The following NEB variants were observed in gnomAD, a reference collection of about 807,000 sequenced individuals.
The protein encoded by NEB is nemaline myopathy type 2.
Under a neutral mutation model 952.2 loss-of-function variants are expected in NEB, and 512 were observed. The observed-to-expected ratio is 0.54, with a 90% confidence interval of 0.50 to 0.58. NEB has a LOEUF of 0.58. Ranked by LOEUF, NEB falls within the 20% of genes least tolerant of loss-of-function variation. NEB has a pLI of 0.00. For missense variants in NEB, 8,428 were observed against 9,231.1 expected, an observed-to-expected ratio of 0.91 and a Z score of 3.56; for synonymous variants, 2,900 against 3,149.8, an observed-to-expected ratio of 0.92 and a Z score of 2.66.
At position 151,685,103 on chromosome 2, in the gene NEB, A is replaced by G. The variant is rs2099484734; in HGVS notation, c.2638-128T>C. The G allele has an allele frequency of 6.1e-6, 6 of 983,952 alleles. No homozygotes were observed. The Admixed American group carries it at 1.2e-4, about 20-fold the overall frequency. The allele number at this position is 983,952 out of a possible 1,614,324, so 61.0% of individuals were successfully genotyped here. A position where few individuals can be genotyped will look rare whatever the true frequency, so the allele number is the denominator to read the frequency against. On this transcript the variant is annotated intron_variant, in intron 27 of 181. Coordinates refer to ENST00000397345, the MANE Select transcript of NEB (RefSeq NM_001164508.2). ...AAACATCTGAGTAGTTATTTTGCCC[A>G]AAAATGTGTTCATATGTTACATACC...
chr2:151,489,433 C>G (rs1352003571), intron 181 of NEB, among the ~76,000 whole-genome samples: 1 of 152,184 alleles, frequency 6.6e-6, no homozygotes, highest in African/African-American at 2.4e-5. Context: ...GGGTCTCCCT[C>G]TGTCATCCAG....
intron 152 of NEB, 39 bp from the exon 153 acceptor site, chr2:151,524,454 T>G (rs1276192903): frequency 6.2e-7 from 1 of 1,613,124 alleles, no homozygotes; most frequent in Non-Finnish European, 8.5e-7. Context: ...CAGGTGATGG[T>G]TGCCTGGCAT....
intron 176 of NEB, 120 bp downstream of exon 176, chr2:151,493,233 C>A (rs2057941463): frequency 2.6e-6 from 2 of 778,894 alleles, no homozygotes; most frequent in African/African-American, 1.8e-5. Flanking sequence ...CAAGATGTTG[C>A]ATTTTTCTCT....
rs761713055 is a variant in NEB at position 151,567,451 on chromosome 2, T to G, written c.17873A>C (p.Gln5958Pro). The change falls in exon 114 of 182, where the codon CAA (glutamine) becomes CCA (proline). Residue 5958 changes from glutamine (Q) to proline (P), a missense_variant. Gln to Pro is a moderately conservative substitution (Grantham distance 76, BLOSUM62 -1). Coordinates refer to ENST00000397345, the MANE Select transcript of NEB (RefSeq NM_001164508.2). ...ELKYKAEHVK[Q>P]KGHYVGVPTM... ...CGGGACACCAACATAATGACCTTTT[T>G]GCTTCACATGTTCAGCTTTGTATTT... The G allele has an allele frequency of 1.9e-6, 3 of 1,612,484 alleles. No individual in the cohort carries two copies. Among genetic ancestry groups the G allele is most frequent in the Non-Finnish European group, 2.5e-6 (3 of 1,179,112 alleles).
chr2:151,520,587 A>C (rs765199877), intron 153 of NEB, among the ~76,000 whole-genome samples: 2 of 152,212 alleles, frequency 1.3e-5, no homozygotes, highest in Non-Finnish European at 1.5e-5. Context: ...GATGATAGCC[A>C]GGTGTGGTGG....
At chr2:151,644,332 C>A in intron 56 of NEB, 136 bp downstream of exon 56, 1 of 1,056,328 alleles carries the variant, frequency 9.5e-7, no homozygotes, top group African/African-American at 1.6e-5. Context: ...TTATCCTCAT[C>A]CCACACTGCA....
In NEB at chr2:151,671,086, G is replaced by A. The variant is rs764603716; in HGVS notation, c.4443C>T (p.Phe1481=). 5.0e-6 allele frequency: 8 copies of A among 1,613,982 alleles called. 1 individual carries two copies. Among genetic ancestry groups the A allele is most frequent in the Non-Finnish European group, 6.8e-6 (8 of 1,179,874 alleles). The change falls in exon 38 of 182, where the codon TTC becomes TTT. Residue 1481 remains phenylalanine, a synonymous_variant. Transcript: ENST00000397345. ...TGCCCATGGAATCAGGCACACTTGTGAACTTGACGGTATCTGGGTGCTGTC... is the reference window on the plus strand; with the variant it reads ...TGCCCATGGAATCAGGCACACTTGTAAACTTGACGGTATCTGGGTGCTGTC... ...KYRQHPDTVK[F]TSVPDSMGMV...
chr2:151,645,094 G>A (rs532934712), intron 55 of NEB, among the ~76,000 whole-genome samples: 15 of 152,350 alleles, frequency 9.8e-5, no homozygotes, highest in African/African-American at 3.4e-4. Context: ...CCACCGTCCT[G>A]TATGTGTGCC....
At position 151,706,914 on chromosome 2, in the gene NEB, C is replaced by A; in HGVS notation, c.1119G>T (p.Arg373Ser). Reference protein sequence around the residue: ...VLPASENPQLRQLKAAGDALS... With the variant: ...VLPASENPQLSQLKAAGDALS... The stretch of plus-strand genomic sequence containing the variant: ...GGGCATCTCCTGCTGCCTTCAGCTG[C>A]CTAAGCTGTGGGTTCTCTGAAGCAG... Residue 373 changes from arginine to serine, a missense_variant, in exon 13 of 182, where the codon AGG (arginine) becomes AGT (serine). By Grantham distance (110) the Arg-to-Ser change is moderately radical. Around this residue, in one of 11 missense-constraint regions of NEB, gnomAD observed 2,851 missense variants for 2,791.5 expected, o/e 1.02. Transcript: ENST00000397345. 1 of 1,606,596 alleles carries A rather than the reference C, an allele frequency of 6.2e-7. No individual in the cohort carries two copies. The highest frequency in any genetic ancestry group is 8.5e-7 in the Non-Finnish European group (1 of 1,176,038).
In NEB at chr2:151,569,335, A is replaced by G. The variant is rs768866431; in HGVS notation, c.17468T>C (p.Ile5823Thr). The G allele has an allele frequency of 1.2e-6, 2 of 1,613,942 alleles. No homozygotes were observed. Among genetic ancestry groups the G allele is most frequent in the South Asian group, 1.1e-5 (1 of 91,078 alleles). Residue 5823 changes from isoleucine to threonine, a missense_variant, in exon 110 of 182, where the codon ATT becomes ACT. By Grantham distance (89) the Ile-to-Thr change is moderately conservative (BLOSUM62 -1). Coordinates refer to ENST00000397345, the MANE Select transcript of NEB (RefSeq NM_001164508.2). ...YKADLEWLRG[I>T]GWMPNDSVSV... is the part of the protein sequence containing the mutation. ...CACGGAGTCATTTGGCATCCACCCA[A>G]TTCCACGCAACCATTCCAAGTCAGC...
chr2:151,641,111 T>C (rs763728774), intron 60 of NEB, among the ~76,000 whole-genome samples: 1 of 152,184 alleles, frequency 6.6e-6, no homozygotes, highest in Non-Finnish European at 1.5e-5. Flanking sequence ...TCAATAAAAA[T>C]TATCTTTGCC....
chr2:151,710,382 G>C, intron 11 of NEB, 52 bp downstream of exon 11: 1 of 1,294,432 alleles, frequency 7.7e-7, no homozygotes, highest in Non-Finnish European at 1.1e-6. Context: ...AGTCACTAAG[G>C]AAAGGGGTCT....
intron 68 of NEB, 77 bp downstream of exon 68, chr2:151,629,462 C>T: frequency 8.1e-7 from 1 of 1,227,358 alleles, no homozygotes. Context: ...TAAACTGGCC[C>T]CCAAATGTTA....
In NEB at chr2:151,690,622, T is replaced by C. The variant is rs568150421; in HGVS notation, c.2310+105A>G. The C allele has an allele frequency of 4.6e-5, 38 of 825,516 alleles. No individual in the cohort carries two copies. In the African/African-American group the frequency reaches 5.6e-4, roughly 12 times the overall value. The allele number at this position is 825,516 out of a possible 1,614,324, so 51.1% of individuals were successfully genotyped here. A position where few individuals can be genotyped will look rare whatever the true frequency, so the allele number is the denominator to read the frequency against. On this transcript the variant is annotated intron_variant, in intron 24 of 181. Transcript: ENST00000397345. ...AAACAAATCTTGAAAAATAATAATATTGGGATGGTAGATGAGCCCATGAAG... is the reference window on the plus strand; with the variant it reads ...AAACAAATCTTGAAAAATAATAATACTGGGATGGTAGATGAGCCCATGAAG...
chr2:151,551,191 A>T (rs184246504), intron 129 of NEB, among the ~76,000 whole-genome samples: 1 of 151,692 alleles, frequency 6.6e-6, no homozygotes, highest in Admixed American at 6.6e-5. Context: ...CTGGTCTCGA[A>T]CTCCTGACCT....
chr2:151,553,549 A>G (rs768629541), intron 126 of NEB, 47 bp from the exon 127 acceptor site: 12 of 1,348,542 alleles, frequency 8.9e-6, no homozygotes, highest in Non-Finnish European at 1.2e-5. Context: ...ATTGACCATA[A>G]TAACTTTAAC....
In NEB at chr2:151,642,771, G is replaced by A. The variant is rs1448014529; in HGVS notation, c.8259C>T (p.Tyr2753=). Residue 2753 remains tyrosine (Y), a synonymous_variant, in exon 59 of 182, where the codon TAC becomes TAT. Transcript: ENST00000397345. Reference sequence around the variant, plus strand: ...CTATGAATATATTACTTACCTCACTGTAATTTACTTTGTTTTGTTTAGCTA... The same window carrying A: ...CTATGAATATATTACTTACCTCACTATAATTTACTTTGTTTTGTTTAGCTA... The part of the protein sequence containing the change: ...VLLAKQNKVN[Y]SEKLYKLGLE... The A allele has an allele frequency of 1.2e-6, 2 of 1,609,302 alleles. No homozygotes were observed.
At chr2:151,656,859 G>C (rs1337578578) in intron 48 of NEB, among the ~76,000 whole-genome samples, 1 of 150,930 alleles carries the variant, frequency 6.6e-6, no homozygotes, top group Non-Finnish European at 1.5e-5. Context: ...AAAAAAAAAG[G>C]CAAAAAAACA....
chr2:151,679,794 T>C lies in NEB; in HGVS notation c.3182A>G (p.Lys1061Arg), dbSNP rs760033546. 2 of 1,613,774 alleles carry C rather than the reference T, an allele frequency of 1.2e-6. No homozygotes were observed. Among genetic ancestry groups the C allele is most frequent in the Non-Finnish European group, 1.7e-6 (2 of 1,179,854 alleles). ...ATCAGTTCTCAGGTCATATCCCTTC[T>C]TGCTCAAGTCTTTCAAGTCTGCTTT... ...MYKADLKDLS[K>R]KGYDLRTDAI... The change falls in exon 32 of 182, where the codon AAG (lysine) becomes AGG (arginine). Residue 1061 changes from lysine to arginine, a missense_variant. Lys to Arg is a conservative substitution (Grantham distance 26). This residue lies in a region of NEB where 2,851 missense variants were observed against 2,791.5 expected (regional missense o/e 1.02). Transcript: ENST00000397345.
Sources: gnomAD v4.1 joint callset for allele counts (sites outside exome capture counted in the v4.1 genomes callset) on GRCh38, gnomAD v4.1.1 for gene constraint, gnomAD v4.1.1 regional missense constraint, MANE v1.5 for transcripts, NCBI Gene and HGNC (gene_info 2026-07-23, HGNC 2026-07-21) for gene names.